Variants in SLC3A1 observed in about 807,000 individuals in gnomAD.
The protein encoded by SLC3A1 is amino acid transporter heavy chain SLC3A1.
In SLC3A1, 78 loss-of-function variants were observed where a neutral mutation model predicts 60.3. The ratio of observed to expected loss-of-function variants is 1.29; its 90% confidence interval spans 1.08 to 1.56. SLC3A1 has a LOEUF of 1.56. SLC3A1 is among the 40% of genes most tolerant of loss of function. SLC3A1 has a pLI of 0.00. For missense variants in SLC3A1, 1,172 were observed against 858.9 expected (o/e 1.36, Z -4.56); for synonymous variants, 392 against 307.9 (o/e 1.27, Z -2.86).
Position 44,320,234 on chromosome 2 carries a change from A to T in SLC3A1, c.1653A>T (p.Leu551Phe), listed in dbSNP as rs750506648. Residue 551 changes from leucine (L) to phenylalanine (F), a missense_variant, in exon 10 of 10, where the codon TTA (leucine) becomes TTT (phenylalanine). Physicochemically the swap from Leu to Phe is conservative, Grantham distance 22. Coordinates refer to ENST00000260649, the MANE Select transcript of SLC3A1 (RefSeq NM_000341.4). ...CTCAGCCCAGATCGGCTTTGAAGTTATATCAAGATTTAAGTCTACTTCATG... is the reference window on the plus strand; with the variant it reads ...CTCAGCCCAGATCGGCTTTGAAGTTTTATCAAGATTTAAGTCTACTTCATG... The part of the protein sequence containing the change: ...QKTQPRSALK[L>F]YQDLSLLHAN... The T allele has an allele frequency of 1.2e-6, 2 of 1,613,902 alleles. No homozygotes were observed. The highest frequency in any genetic ancestry group is 1.7e-6 in the Non-Finnish European group (2 of 1,179,926).
intron 7 of SLC3A1, among the ~76,000 whole-genome samples, chr2:44,311,935 A>G (rs898112315): frequency 6.6e-6 from 1 of 152,138 alleles, no homozygotes; most frequent in African/African-American, 2.4e-5. Context: ...GTACTTTTTA[A>G]AAAGTAAAGT....
Position 44,275,983 on chromosome 2 carries a change from A to G in SLC3A1, c.430+18A>G. 1 of 1,609,984 alleles carries G rather than the reference A, an allele frequency of 6.2e-7. No individual in the cohort carries two copies. The highest frequency in any genetic ancestry group is 1.1e-5 in the South Asian group (1 of 90,952). On this transcript the variant is annotated intron_variant, in intron 1 of 9. Coordinates refer to ENST00000260649, the MANE Select transcript of SLC3A1 (RefSeq NM_000341.4). ...TCTGAAAGGTACATGCCCAGAGATCATTTAGGGTGGGTGCCAGGATGAGAT... is the reference window on the plus strand; with the variant it reads ...TCTGAAAGGTACATGCCCAGAGATCGTTTAGGGTGGGTGCCAGGATGAGAT...
intron 4 of SLC3A1, among the ~76,000 whole-genome samples, chr2:44,287,087 A>G (rs1484739508): frequency 6.6e-6 from 1 of 152,162 alleles, no homozygotes; most frequent in Non-Finnish European, 1.5e-5. Context: ...ACTCCGTGCC[A>G]GGCCCTGTTC....
rs749975291 is a variant in SLC3A1, at chr2:44,301,136, C to T, written c.1136+9C>T. The T allele has an allele frequency of 2.5e-5, 41 of 1,614,014 alleles. No individual in the cohort carries two copies. The highest frequency in any genetic ancestry group is 4.4e-5 in the South Asian group (4 of 91,084). Reference sequence around the variant, plus strand: ...GAGCCCGGCAGATACAGGTTGACCACGGCATATGCTCTCATTTCTTCCCAG... The same window carrying T: ...GAGCCCGGCAGATACAGGTTGACCATGGCATATGCTCTCATTTCTTCCCAG... On this transcript the variant is annotated intron_variant, in intron 6 of 9. Coordinates refer to ENST00000260649, the MANE Select transcript of SLC3A1 (RefSeq NM_000341.4).
rs11443762 is a variant in SLC3A1, at chr2:44,311,723, T to TAAA, written c.1333-852_1333-850dup. Among the ~76,000 whole-genome samples, 209 of 147,090 alleles carry TAAA rather than the reference T, an allele frequency of 1.4e-3. 2 individuals carry two copies. Among genetic ancestry groups the TAAA allele is most frequent in the African/African-American group, 4.6e-3 (186 of 40,288 alleles). On this transcript the variant is annotated intron_variant, in intron 7 of 9. Transcript: ENST00000260649. The stretch of plus-strand genomic sequence containing the variant: ...ATCATTTTCATACAGCTAAGGAAGT[T>TAAA]AAAAAAAAAAAAACCCAACCTCCTA...
intron 8 of SLC3A1, 50 bp from the exon 9 acceptor site, chr2:44,313,785 T>A: frequency 7.4e-7 from 1 of 1,360,466 alleles, no homozygotes; most frequent in South Asian, 1.2e-5. Context: ...CAAAGCACAT[T>A]TCTTCTAATA....
chr2:44,285,696 C>G lies in SLC3A1; in HGVS notation c.766-336C>G, dbSNP rs189932994. 5.7e-5 allele frequency: 29 copies of G among 510,408 alleles called. No individual in the cohort carries two copies. In the East Asian group the frequency reaches 7.0e-4, roughly 12 times the overall value. The allele number at this position is 510,408 out of a possible 1,614,324, so 31.6% of individuals were successfully genotyped here. On this transcript the variant is annotated intron_variant, in intron 3 of 9. Coordinates refer to ENST00000260649, the MANE Select transcript of SLC3A1 (RefSeq NM_000341.4). Reference sequence around the variant, plus strand: ...CTACCATTTTGCTTCTCTTCACAAACAAGAGTTTGGATCCTGGACAGAAGA... The same window carrying G: ...CTACCATTTTGCTTCTCTTCACAAAGAAGAGTTTGGATCCTGGACAGAAGA...
At chr2:44,318,169 C>A in intron 9 of SLC3A1, 1 of 434,400 alleles carries the variant, frequency 2.3e-6, no homozygotes, top group Admixed American at 2.5e-5. Flanking sequence ...CGGCACACTG[C>A]AGCCTCTGCT....
At chr2:44,306,550 CTTTTTTT>C (rs11290172) in intron 7 of SLC3A1, among the ~76,000 whole-genome samples, 73 of 101,112 alleles carry the variant, frequency 7.2e-4, no homozygotes, top group South Asian at 1.0e-3. Flanking sequence ...TACCATAAAA[CTTTTTTT>C]TTTTTTTTTT....
intron 7 of SLC3A1, among the ~76,000 whole-genome samples, chr2:44,311,797 C>A (rs73927007): frequency 4.0e-5 from 6 of 151,264 alleles, no homozygotes; most frequent in Non-Finnish European, 8.8e-5. Flanking sequence ...CAAGTTCGAA[C>A]GCTAGTTCTG....
intron 3 of SLC3A1, among the ~76,000 whole-genome samples, chr2:44,284,271 G>A (rs1220897807): frequency 6.6e-6 from 1 of 152,034 alleles, no homozygotes; most frequent in African/African-American, 2.4e-5. Flanking sequence ...GTAGAGACAG[G>A]GTTTCACCAT....
chr2:44,292,483 A>G (rs1026996721), intron 4 of SLC3A1, among the ~76,000 whole-genome samples: 4 of 152,098 alleles, frequency 2.6e-5, no homozygotes, highest in Non-Finnish European at 5.9e-5. Flanking sequence ...GGGGGCTGGT[A>G]AGATAGATAC....
chr2:44,309,243 C>G (rs1245082307), intron 7 of SLC3A1, among the ~76,000 whole-genome samples: 2 of 152,160 alleles, frequency 1.3e-5, no homozygotes, highest in African/African-American at 4.8e-5. Flanking sequence ...CTGATATCCT[C>G]CATTCTATTT....
chr2:44,294,282 A>G (rs1181856970), intron 4 of SLC3A1, among the ~76,000 whole-genome samples: 1 of 152,090 alleles, frequency 6.6e-6, no homozygotes, highest in Non-Finnish European at 1.5e-5. Flanking sequence ...AGGTGGGTGG[A>G]TCACTTGAGG....
At chr2:44,301,525 G>C (rs1417300072) in intron 6 of SLC3A1, 1 of 342,612 alleles carries the variant, frequency 2.9e-6, no homozygotes, top group African/African-American at 2.1e-5. Flanking sequence ...CGGATCACGA[G>C]GTCAGGAGTT....
chr2:44,276,054 T>C (rs1671336339), intron 1 of SLC3A1, 89 bp downstream of exon 1: 1 of 1,195,124 alleles, frequency 8.4e-7, no homozygotes, highest in African/African-American at 1.5e-5. Flanking sequence ...ATGCCTGGGT[T>C]GTTCAGTAAG....
chr2:44,305,627 C>G (rs1672136041), intron 7 of SLC3A1, among the ~76,000 whole-genome samples: 1 of 151,804 alleles, frequency 6.6e-6, no homozygotes, highest in African/African-American at 2.4e-5. Flanking sequence ...GGGGTTTTAC[C>G]ATGTTTGTCA....
chr2:44,308,195 G>T (rs1313197542), intron 7 of SLC3A1, among the ~76,000 whole-genome samples: 1 of 152,152 alleles, frequency 6.6e-6, no homozygotes, highest in African/African-American at 2.4e-5. Context: ...CAGACTCTCA[G>T]TTCTGTTCAT....
At chr2:44,314,452 T>C in intron 9 of SLC3A1, 1 of 185,078 alleles carries the variant, frequency 5.4e-6, no homozygotes. Flanking sequence ...GCTTTTACCC[T>C]TTTTTCTGTT....
Sources: gnomAD v4.1 joint callset for allele counts (sites outside exome capture counted in the v4.1 genomes callset) on GRCh38, gnomAD v4.1.1 for gene constraint, MANE v1.5 for transcripts, NCBI Gene and HGNC (gene_info 2026-07-23, HGNC 2026-07-21) for gene names.